CCDC171: variants seen among roughly 807,000 people sequenced by gnomAD.
CCDC171 encodes coiled-coil domain-containing protein 171.
CCDC171 carries 177 observed loss-of-function variants against 168.2 expected under a neutral mutation model. That is an observed-to-expected ratio of 1.05 (90% CI 0.93 to 1.19). CCDC171 has a LOEUF of 1.19. CCDC171 is among the 50% of genes most tolerant of loss of function. The pLI is 0.00. For missense variants in CCDC171, 1,991 were observed against 1,539.0 expected (o/e 1.29, Z -4.91); for synonymous variants, 687 against 540.8 (o/e 1.27, Z -3.75).
intron 6 of CCDC171, among the ~76,000 whole-genome samples, chr9:15,600,173 C>T (rs927773439): frequency 6.6e-6 from 1 of 152,184 alleles, no homozygotes; most frequent in African/African-American, 2.4e-5. Context: ...TGGTCTTTTG[C>T]TGGTGAGGAG....
rs2055204682 is a variant in CCDC171, at chr9:15,745,498, T to C, written c.2555-17T>C. 6.8e-7 allele frequency: 1 copy of C among 1,474,632 alleles called. No homozygotes were observed. The highest frequency in any genetic ancestry group is 9.1e-7 in the Non-Finnish European group (1 of 1,094,110). The allele number at this position is 1,474,632 out of a possible 1,614,324, so 91.3% of individuals were successfully genotyped here. A position where few individuals can be genotyped will look rare whatever the true frequency, so the allele number is the denominator to read the frequency against. The stretch of plus-strand genomic sequence containing the variant: ...AAGTTTTGTAGAATTTTACAATGGA[T>C]TTTTTCAATTTTATAGAACATCAAA... On this transcript the variant is annotated splice_polypyrimidine_tract_variant and intron_variant, in intron 17 of 25. Transcript: ENST00000380701.
intron 3 of CCDC171, among the ~76,000 whole-genome samples, chr9:15,983,915 A>G (rs1216420778): frequency 6.6e-6 from 1 of 151,486 alleles, no homozygotes; most frequent in Non-Finnish European, 1.5e-5. Flanking sequence ...TAGATAAGAA[A>G]TTTAAGTAGA....
chr9:15,900,493 G>T (rs1268748705), intron 24 of CCDC171, among the ~76,000 whole-genome samples: 1 of 144,986 alleles, frequency 6.9e-6, no homozygotes, highest in African/African-American at 2.6e-5. Context: ...ATGATACCTT[G>T]ATTTCAGCCT....
chr9:15,932,648 T>G (rs112464477), intron 25 of CCDC171, among the ~76,000 whole-genome samples: 8,022 of 152,034 alleles, frequency 0.053, 458 homozygotes, highest in South Asian at 0.14. Context: ...AGTACTATGT[T>G]GAATAGAAGT....
At chr9:15,592,221 AG>A (rs2042054803) in intron 5 of CCDC171, among the ~76,000 whole-genome samples, 1 of 151,754 alleles carries the variant, frequency 6.6e-6, no homozygotes, top group Admixed American at 6.6e-5. Context: ...TCCAGCTAGT[AG>A]GGAGGTTGAG....
intron 3 of CCDC171, among the ~76,000 whole-genome samples, chr9:15,993,887 A>T (rs990929390): frequency 6.6e-6 from 1 of 152,210 alleles, no homozygotes; most frequent in Non-Finnish European, 1.5e-5. Flanking sequence ...CCACAATGAG[A>T]TACCATCTTA....
chr9:15,585,004 C>T (rs922649208), intron 4 of CCDC171, among the ~76,000 whole-genome samples: 1 of 152,152 alleles, frequency 6.6e-6, no homozygotes. Context: ...TGCGTAACCT[C>T]ACTTATTGTC....
intron 25 of CCDC171, among the ~76,000 whole-genome samples, chr9:15,945,540 T>C (rs1448136169): frequency 0.014 from 2,007 of 142,908 alleles, 9 homozygotes; most frequent in Admixed American, 0.088. Context: ...CTCCAGCACC[T>C]GTTGTTTCCT....
chr9:15,784,606 CACA>C lies in CCDC171; in HGVS notation c.3185_3187del (p.Gln1062del). ...GCACAAATGCTATTGAATGAACAGG[CACA>C]ACAACTACAGGAATTGAATTATAAA... On this transcript the variant is annotated inframe_deletion, in exon 21 of 26. Transcript: ENST00000380701. 6.2e-7 allele frequency: 1 copy of C among 1,612,924 alleles called. No individual in the cohort carries two copies. Among genetic ancestry groups the C allele is most frequent in the Non-Finnish European group, 8.5e-7 (1 of 1,179,158 alleles).
At chr9:16,064,285 A>G (rs1833967979), downstream of CCDC171, among the ~76,000 whole-genome samples, 1 of 152,146 alleles carries the variant, frequency 6.6e-6, no homozygotes, top group East Asian at 1.9e-4. Flanking sequence ...AATGTATCCA[A>G]GTTTCCAATA....
intron 3 of CCDC171, among the ~76,000 whole-genome samples, chr9:15,993,579 C>A (rs561685935): frequency 5.9e-5 from 9 of 152,168 alleles, no homozygotes; most frequent in African/African-American, 2.2e-4. Context: ...GCAACAAAAG[C>A]CAAAATTGAC....
chr9:15,930,997 A>T (rs527717618), intron 25 of CCDC171, among the ~76,000 whole-genome samples: 1 of 151,702 alleles, frequency 6.6e-6, no homozygotes, highest in Non-Finnish European at 1.5e-5. Flanking sequence ...GCTATTTTCT[A>T]ATATACAACA....
chr9:15,577,566 C>A (rs916461990), intron 3 of CCDC171, among the ~76,000 whole-genome samples: 1 of 152,106 alleles, frequency 6.6e-6, no homozygotes, highest in African/African-American at 2.4e-5. Flanking sequence ...TATTATAAAC[C>A]CATCTTGAGA....
chr9:16,054,132 T>C (rs934902305), intron 1 of CCDC171, among the ~76,000 whole-genome samples: 30 of 152,186 alleles, frequency 2.0e-4, no homozygotes, highest in African/African-American at 7.0e-4. Flanking sequence ...TGGAAAGATA[T>C]GGTCCTTCTC....
At chr9:15,833,056 C>T (rs978402992) in intron 21 of CCDC171, among the ~76,000 whole-genome samples, 35 of 140,956 alleles carry the variant, frequency 2.5e-4, no homozygotes, top group Non-Finnish European at 1.2e-4. Context: ...GGCGCGATTT[C>T]GGCTCACTGC....
chr9:15,580,674 A>G (rs2041039996), intron 4 of CCDC171, among the ~76,000 whole-genome samples: 1 of 152,236 alleles, frequency 6.6e-6, no homozygotes, highest in Admixed American at 6.5e-5. Flanking sequence ...TCAAAAGCGC[A>G]ATGAGATACC....
intron 11 of CCDC171, among the ~76,000 whole-genome samples, chr9:15,708,038 G>A (rs2052377928): frequency 6.6e-6 from 1 of 152,102 alleles, no homozygotes; most frequent in African/African-American, 2.4e-5. Context: ...AGTAGAGATG[G>A]GGTTTCATCA....
chr9:15,870,390 C>A (rs761389426), intron 23 of CCDC171, among the ~76,000 whole-genome samples: 1 of 151,718 alleles, frequency 6.6e-6, no homozygotes, highest in Non-Finnish European at 1.5e-5. Context: ...TTATAGAGGT[C>A]TGTTTTCATA....
intron 7 of CCDC171, among the ~76,000 whole-genome samples, chr9:15,652,932 T>A (rs917361792): frequency 5.9e-5 from 9 of 152,170 alleles, no homozygotes; most frequent in African/African-American, 1.9e-4. Context: ...GAACATCCTG[T>A]GGGACTGGTA....
Sources: gnomAD v4.1 joint callset for allele counts (sites outside exome capture counted in the v4.1 genomes callset) on GRCh38, gnomAD v4.1.1 for gene constraint, MANE v1.5 for transcripts, NCBI Gene and HGNC (gene_info 2026-07-23, HGNC 2026-07-21) for gene names.